Variants in TANC2 observed in about 807,000 individuals in gnomAD.
The protein encoded by TANC2 is protein TANC2.
Under a neutral mutation model 210.5 loss-of-function variants are expected in TANC2, and 26 were observed. The observed-to-expected ratio is 0.12, with a 90% CI of 0.09 to 0.17. TANC2 has a LOEUF of 0.17. Ranked by LOEUF, TANC2 falls within the 10% of genes least tolerant of loss-of-function variation. The pLI, the probability that TANC2 is intolerant of heterozygous loss-of-function variation, is 1.00. For missense variants in TANC2, 2,129 were observed against 2,608.9 expected (o/e 0.82, Z 4.01); for synonymous variants, 931 against 967.1 (o/e 0.96, Z 0.69).
At chr17:63,106,004 G>A (rs1175830441) in intron 4 of TANC2, among the ~76,000 whole-genome samples, 1 of 151,574 alleles carries the variant, frequency 6.6e-6, no homozygotes, top group Non-Finnish European at 1.5e-5. Context: ...AGCTCTTTTG[G>A]AATAATAGAC....
chr17:63,242,178 A>G (rs1455924765), intron 8 of TANC2, among the ~76,000 whole-genome samples: 2 of 152,146 alleles, frequency 1.3e-5, no homozygotes, highest in Non-Finnish European at 2.9e-5. Flanking sequence ...CTTGAGATTC[A>G]TTATTTTACC....
chr17:63,141,955 A>G (rs1235549272), intron 4 of TANC2, among the ~76,000 whole-genome samples: 1 of 152,242 alleles, frequency 6.6e-6, no homozygotes, highest in African/African-American at 2.4e-5. Flanking sequence ...AAATGGTATC[A>G]TTAATTTTTA....
intron 9 of TANC2, among the ~76,000 whole-genome samples, chr17:63,276,865 T>G (rs2043892371): frequency 6.6e-6 from 1 of 152,188 alleles, no homozygotes; most frequent in Non-Finnish European, 1.5e-5. Flanking sequence ...TCACAACTCT[T>G]TAAGTAGTGG....
intron 9 of TANC2, among the ~76,000 whole-genome samples, chr17:63,278,583 T>C (rs563567511): frequency 4.2e-4 from 64 of 152,208 alleles, no homozygotes; most frequent in East Asian, 3.9e-4. Flanking sequence ...TCATCAGATA[T>C]TTAAAATAGA....
At chr17:63,119,854 A>G (rs1486648376) in intron 4 of TANC2, among the ~76,000 whole-genome samples, 1 of 152,038 alleles carries the variant, frequency 6.6e-6, no homozygotes, top group African/African-American at 2.4e-5. Context: ...ATCTCTACAA[A>G]TAATTTTTTT....
chr17:62,995,317 A>G (rs781644724), intron 1 of TANC2, among the ~76,000 whole-genome samples: 11 of 152,240 alleles, frequency 7.2e-5, no homozygotes, highest in Admixed American at 5.9e-4. Context: ...TTCTTAGCTC[A>G]TAATGTAAGG....
chr17:63,165,891 G>A (rs1241966002), intron 5 of TANC2, among the ~76,000 whole-genome samples: 1 of 152,146 alleles, frequency 6.6e-6, no homozygotes, highest in African/African-American at 2.4e-5. Context: ...GCAAACAATA[G>A]AAACCTCAGT....
chr17:63,102,679 C>T (rs920989947), intron 4 of TANC2, among the ~76,000 whole-genome samples: 6 of 149,496 alleles, frequency 4.0e-5, no homozygotes, highest in Admixed American at 1.3e-4. Context: ...CAGGATTGTA[C>T]GATTTTAAAC....
chr17:63,205,876 C>G (rs560606710), intron 7 of TANC2, among the ~76,000 whole-genome samples: 1 of 151,980 alleles, frequency 6.6e-6, no homozygotes, highest in South Asian at 2.1e-4. Flanking sequence ...CCACTGCACT[C>G]CAACCTGAGT....
chr17:63,242,586 A>T (rs1054955687), intron 8 of TANC2, among the ~76,000 whole-genome samples: 19 of 152,262 alleles, frequency 1.2e-4, no homozygotes, highest in African/African-American at 4.6e-4. Flanking sequence ...ATACCAAGGG[A>T]TGATTGCATT....
At chr17:63,016,228 T>C (rs888892575) in intron 2 of TANC2, among the ~76,000 whole-genome samples, 3 of 152,196 alleles carry the variant, frequency 2.0e-5, no homozygotes, top group African/African-American at 4.8e-5. Context: ...AAAAAAATTT[T>C]AAACCACATT....
chr17:63,187,496 G>C (rs573164799), intron 5 of TANC2, among the ~76,000 whole-genome samples: 2 of 151,920 alleles, frequency 1.3e-5, no homozygotes, highest in East Asian at 3.9e-4. Flanking sequence ...TATTATTATA[G>C]CTAATAAAAG....
At chr17:62,982,638 C>G (rs995042642) in intron 1 of TANC2, among the ~76,000 whole-genome samples, 1 of 152,180 alleles carries the variant, frequency 6.6e-6, no homozygotes, top group Non-Finnish European at 1.5e-5. Context: ...CTTTAGTACC[C>G]TGACTCCAAT....
chr17:62,983,101 T>G (rs2032385915), intron 1 of TANC2, among the ~76,000 whole-genome samples: 1 of 152,196 alleles, frequency 6.6e-6, no homozygotes, highest in African/African-American at 2.4e-5. Context: ...TTTTTCCATT[T>G]GTTTGGATGC....
chr17:63,182,304 C>T (rs2040813434), intron 5 of TANC2: 3 of 197,598 alleles, frequency 1.5e-5, no homozygotes, highest in Non-Finnish European at 3.2e-5. Flanking sequence ...AGAGAAGAAA[C>T]AGAAAATTCC....
chr17:63,028,249 C>T (rs564525141), intron 2 of TANC2, among the ~76,000 whole-genome samples: 30 of 152,086 alleles, frequency 2.0e-4, no homozygotes, highest in Non-Finnish European at 3.5e-4. Context: ...AAAATGTTGT[C>T]TTTATTATTA....
At chr17:63,377,502 TACTC>T (rs2047461656) in intron 14 of TANC2, among the ~76,000 whole-genome samples, 1 of 152,232 alleles carries the variant, frequency 6.6e-6, no homozygotes, top group Non-Finnish European at 1.5e-5. Context: ...GAGTCACCTT[TACTC>T]CTGTTCCCAA....
chr17:63,188,620 A>G (rs189470550), intron 5 of TANC2, among the ~76,000 whole-genome samples: 17 of 151,780 alleles, frequency 1.1e-4, no homozygotes, highest in Admixed American at 3.3e-4. Flanking sequence ...AAATCTGAAT[A>G]AGGTTTGTAG....
intron 9 of TANC2, among the ~76,000 whole-genome samples, chr17:63,287,804 A>C (rs1198682231): frequency 6.6e-6 from 1 of 151,892 alleles, no homozygotes; most frequent in Non-Finnish European, 1.5e-5. Flanking sequence ...CCTCCTGAGT[A>C]GCTGGGACTA....
Sources: gnomAD v4.1 joint callset for allele counts (sites outside exome capture counted in the v4.1 genomes callset) on GRCh38, gnomAD v4.1.1 for gene constraint, MANE v1.5 for transcripts, NCBI Gene and HGNC (gene_info 2026-07-23, HGNC 2026-07-21) for gene names.